Variants in VEPH1 observed in about 807,000 individuals in gnomAD.
VEPH1 encodes ventricular zone-expressed PH domain-containing protein homolog 1.
A neutral mutation model predicts 85.2 loss-of-function variants in VEPH1; 80 were observed. The ratio of observed to expected loss-of-function variants is 0.94; its 90% CI spans 0.78 to 1.13. The LOEUF is 1.13. Ranked by LOEUF, VEPH1 falls within the 50% of genes most tolerant of loss-of-function variation. VEPH1 has a pLI of 0.00. For synonymous variants in VEPH1, 297 were observed against 348.0 expected (o/e 0.85, Z 1.63); for missense variants, 955 against 980.5 (o/e 0.97, Z 0.35).
intron 3 of VEPH1, among the ~76,000 whole-genome samples, chr3:157,462,075 G>T (rs115666866): frequency 6.8e-6 from 1 of 147,300 alleles, no homozygotes; most frequent in South Asian, 2.1e-4. Context: ...AAATATAAAA[G>T]TATTATTTAT....
intron 7 of VEPH1, among the ~76,000 whole-genome samples, chr3:157,368,300 T>C (rs1726959054): frequency 6.6e-6 from 1 of 152,144 alleles, no homozygotes; most frequent in Non-Finnish European, 1.5e-5. Context: ...GCATCAGAGC[T>C]TTAGTAGCTG....
At chr3:157,273,918 T>A (rs1481307060) in intron 12 of VEPH1, among the ~76,000 whole-genome samples, 1 of 152,234 alleles carries the variant, frequency 6.6e-6, no homozygotes, top group South Asian at 2.1e-4. Context: ...ATAGATCACA[T>A]GAGACTGTAC....
intron 2 of VEPH1, among the ~76,000 whole-genome samples, chr3:157,484,488 C>T (rs1487113571): frequency 6.6e-6 from 1 of 151,940 alleles, no homozygotes; most frequent in Non-Finnish European, 1.5e-5. Flanking sequence ...AAAATGTATA[C>T]TTCAGAAAAC....
intron 4 of VEPH1, among the ~76,000 whole-genome samples, chr3:157,447,137 G>T (rs1366942746): frequency 6.6e-6 from 1 of 152,126 alleles, no homozygotes; most frequent in Admixed American, 6.5e-5. Context: ...TGAATGTAAG[G>T]ATTCTTTTCC....
chr3:157,359,065 C>T (rs10513512), intron 9 of VEPH1, among the ~76,000 whole-genome samples: 36,466 of 152,132 alleles, frequency 0.24, 5,135 homozygotes, highest in Admixed American at 0.44. Context: ...ACTACATTAC[C>T]AGCTTAAAAA....
chr3:157,347,745 C>T (rs182100588), intron 9 of VEPH1, among the ~76,000 whole-genome samples: 27 of 152,300 alleles, frequency 1.8e-4, no homozygotes, highest in Non-Finnish European at 1.0e-4. Context: ...GCAGAAGATC[C>T]GCATCATCCC....
chr3:157,409,794 A>C (rs1170917679), intron 6 of VEPH1: 8 of 985,262 alleles, frequency 8.1e-6, no homozygotes, highest in African/African-American at 3.5e-5. Context: ...GGCATAAGCC[A>C]ATCAATAACT....
chr3:157,354,506 C>T (rs765502548), intron 9 of VEPH1, among the ~76,000 whole-genome samples: 1 of 152,092 alleles, frequency 6.6e-6, no homozygotes, highest in Non-Finnish European at 1.5e-5. Context: ...TGCCTCATGG[C>T]TTTGTATTTA....
intron 13 of VEPH1, among the ~76,000 whole-genome samples, chr3:157,264,582 C>T (rs1041270382): frequency 2.6e-5 from 4 of 152,192 alleles, no homozygotes; most frequent in Middle Eastern, 3.2e-3. Flanking sequence ...GTAACACTGC[C>T]TGATCTTGAC....
chr3:157,270,182 G>A (rs1304234434), intron 12 of VEPH1, among the ~76,000 whole-genome samples: 1 of 151,898 alleles, frequency 6.6e-6, no homozygotes, highest in African/African-American at 2.4e-5. Context: ...GAGGTGGGAG[G>A]ATCGCTTGAG....
At chr3:157,278,749 T>C (rs756214599) in intron 12 of VEPH1, among the ~76,000 whole-genome samples, 2 of 152,096 alleles carry the variant, frequency 1.3e-5, no homozygotes, top group African/African-American at 4.8e-5. Flanking sequence ...GGTGATAGAT[T>C]GGATGGGGGT....
intron 9 of VEPH1, among the ~76,000 whole-genome samples, chr3:157,340,332 C>T (rs1723403732): frequency 6.6e-6 from 1 of 152,334 alleles, no homozygotes; most frequent in African/African-American, 2.4e-5. Context: ...CCTAATACTG[C>T]ACTTTTCCAA....
chr3:157,347,210 A>C (rs1203571935), intron 9 of VEPH1, among the ~76,000 whole-genome samples: 3 of 152,090 alleles, frequency 2.0e-5, no homozygotes, highest in Non-Finnish European at 2.9e-5. Context: ...CAAAAAAAAA[A>C]CCCATGGTGT....
chr3:157,358,888 C>T (rs758099204), intron 9 of VEPH1, among the ~76,000 whole-genome samples: 1 of 151,988 alleles, frequency 6.6e-6, no homozygotes, highest in African/African-American at 2.4e-5. Context: ...CCCAGCTACT[C>T]GGGAGGCTGA....
chr3:157,395,822 C>T (rs1403304182), intron 6 of VEPH1, among the ~76,000 whole-genome samples: 2 of 151,942 alleles, frequency 1.3e-5, no homozygotes, highest in Non-Finnish European at 1.5e-5. Flanking sequence ...GGTATTAAGC[C>T]CAGTACCCAA....
chr3:157,342,070 C>T (rs1244380581), intron 9 of VEPH1, among the ~76,000 whole-genome samples: 2 of 152,232 alleles, frequency 1.3e-5, no homozygotes, highest in Non-Finnish European at 2.9e-5. Context: ...ACTGCAAAAA[C>T]ATGCCAAATT....
intron 4 of VEPH1, among the ~76,000 whole-genome samples, chr3:157,449,004 GCCA>G (rs1734750174): frequency 6.6e-6 from 1 of 152,092 alleles, no homozygotes; most frequent in South Asian, 2.1e-4. Flanking sequence ...ATACTCTCTT[GCCA>G]CCACCATGTA....
intron 12 of VEPH1, among the ~76,000 whole-genome samples, chr3:157,285,446 G>T (rs1006332007): frequency 9.9e-5 from 15 of 152,236 alleles, no homozygotes; most frequent in African/African-American, 3.6e-4. Context: ...CATCTTGGCA[G>T]TTAACAAGAG....
chr3:157,429,227 A>G (rs1732962559), intron 4 of VEPH1, among the ~76,000 whole-genome samples: 2 of 152,184 alleles, frequency 1.3e-5, no homozygotes, highest in African/African-American at 4.8e-5. Flanking sequence ...CAAAATCCTC[A>G]CAAGTACTTA....
Sources: gnomAD v4.1 joint callset for allele counts (sites outside exome capture counted in the v4.1 genomes callset) on GRCh38, gnomAD v4.1.1 for gene constraint, MANE v1.5 for transcripts, NCBI Gene and HGNC (gene_info 2026-07-23, HGNC 2026-07-21) for gene names.